ATAD2: variants seen among roughly 807,000 people sequenced by gnomAD.
ATAD2 encodes ATPase family AAA domain-containing protein 2.
Under a neutral mutation model 168.9 loss-of-function variants are expected in ATAD2, and 62 were observed. The ratio of observed to expected loss-of-function variants is 0.37; its 90% CI spans 0.30 to 0.45. ATAD2 has a LOEUF of 0.45. ATAD2 is among the 20% of genes least tolerant of loss of function. ATAD2 has a pLI of 1.00. For missense variants in ATAD2, 1,419 were observed against 1,667.8 expected (o/e 0.85, Z 2.60); for synonymous variants, 613 against 571.6 (o/e 1.07, Z -1.03).
At chr8:123,321,713 C>T (rs1003834685) in intron 27 of ATAD2, among the ~76,000 whole-genome samples, 1 of 151,840 alleles carries the variant, frequency 6.6e-6, no homozygotes, top group East Asian at 1.9e-4. Context: ...GCGGGAGGAC[C>T]GCTTGAAGCT....
chr8:123,362,902 A>G (rs919656809), intron 8 of ATAD2, among the ~76,000 whole-genome samples: 1 of 152,200 alleles, frequency 6.6e-6, no homozygotes, highest in South Asian at 2.1e-4. Context: ...TACTCAACCC[A>G]TAAGTTTTCT....
intron 8 of ATAD2, among the ~76,000 whole-genome samples, chr8:123,366,605 C>G (rs1456034079): frequency 1.3e-5 from 2 of 152,186 alleles, no homozygotes; most frequent in East Asian, 3.9e-4. Flanking sequence ...GAGACTTACT[C>G]TAAGTGAAGT....
chr8:123,358,723 CTTTTTTT>C lies in ATAD2; in HGVS notation c.1382+491_1382+497del, dbSNP rs772822406. On this transcript the variant is annotated intron_variant, in intron 11 of 27. Transcript: ENST00000287394. Reference sequence around the variant, plus strand: ...CCTGTGATTGATATATGGTACATTACTTTTTTTTTTTTTTTTTTTTTTTTTGGAGATG... The same window carrying C: ...CCTGTGATTGATATATGGTACATTACTTTTTTTTTTTTTTTTTTGGAGATG... 6.5e-3 allele frequency among the ~76,000 whole-genome samples: 496 copies of C among 76,860 alleles called. 1 individual carries two copies. Among genetic ancestry groups the C allele is most frequent in the Non-Finnish European group, 9.3e-3 (382 of 40,900 alleles). The allele number at this position is 76,860 out of a possible 152,430, so 50.4% of individuals were successfully genotyped here.
chr8:123,392,960 G>A (rs1349486942), intron 1 of ATAD2, among the ~76,000 whole-genome samples: 6 of 152,184 alleles, frequency 3.9e-5, no homozygotes, highest in South Asian at 2.1e-4. Flanking sequence ...CGAGGAGGGC[G>A]GATCATGAAG....
In ATAD2 at chr8:123,371,926, C is replaced by T. The variant is rs1018500547; in HGVS notation, c.371-91G>A. On this transcript the variant is annotated intron_variant, in intron 3 of 27. Transcript: ENST00000287394. ...TAAAATGAACAATTGAAAAGCTATA[C>T]TTTCATGTAACAAAATTACAGTATC... is the stretch of plus-strand genomic sequence containing the variant. 5 of 1,228,754 alleles carry T rather than the reference C, an allele frequency of 4.1e-6. No individual in the cohort carries two copies. The African/African-American group carries it at 4.6e-5, about 11-fold the overall frequency. 76.1% of individuals were successfully genotyped at this position (1,228,754 alleles called of 1,614,324 possible).
At chr8:123,398,359 T>C (rs1423727917), upstream of ATAD2, among the ~76,000 whole-genome samples, 6 of 150,498 alleles carry the variant, frequency 4.0e-5, no homozygotes, top group South Asian at 2.1e-4. Flanking sequence ...GCCTCCAGAG[T>C]AGCTGGTATT....
rs1827449432 is a variant in ATAD2, at chr8:123,320,904, T to G, written c.*230A>C. On this transcript the variant is annotated 3_prime_UTR_variant, in exon 28 of 28. Transcript: ENST00000287394. ...TTGGCCAAACTTCAACTATTATTAC[T>G]ATTACTACAGGGTCTTGTTCTAGCA... 2.3e-6 allele frequency: 1 copy of G among 429,802 alleles called. No homozygotes were observed. Among genetic ancestry groups the G allele is most frequent in the African/African-American group, 2.1e-5 (1 of 48,158 alleles). 26.6% of individuals were successfully genotyped at this position (429,802 alleles called of 1,614,324 possible). A position where few individuals can be genotyped will look rare whatever the true frequency, so the allele number is the denominator to read the frequency against.
At chr8:123,362,710 C>T (rs752410150) in intron 8 of ATAD2, among the ~76,000 whole-genome samples, 11 of 151,940 alleles carry the variant, frequency 7.2e-5, no homozygotes, top group East Asian at 3.9e-4. Flanking sequence ...TCATCACGCC[C>T]GGCCAAAAAT....
In ATAD2 at chr8:123,359,318, C is replaced by G; in HGVS notation, c.1285G>C (p.Gly429Arg). The change falls in exon 11 of 28, where the codon GGT (glycine) becomes CGT (arginine). Residue 429 changes from glycine to arginine, a missense_variant. This residue lies in a region of ATAD2 where 146 missense variants were observed against 188.3 expected (regional missense o/e 0.78). Coordinates refer to ENST00000287394, the MANE Select transcript of ATAD2 (RefSeq NM_014109.4). ...GCTGCTATATGATTAGACAGGCCAC[C>G]AACACTATCAAATCGTACCTGGTAA... is the stretch of plus-strand genomic sequence containing the variant. ...LDSSVRFDSVGGLSNHIAALK... is the reference protein window; with the variant it reads ...LDSSVRFDSVRGLSNHIAALK... The G allele has an allele frequency of 6.2e-7, 1 of 1,607,446 alleles. No homozygotes were observed. The highest frequency in any genetic ancestry group is 1.3e-5 in the African/African-American group (1 of 74,634).
At chr8:123,340,200 A>C (rs1272977470) in intron 19 of ATAD2, among the ~76,000 whole-genome samples, 1 of 152,200 alleles carries the variant, frequency 6.6e-6, no homozygotes, top group East Asian at 1.9e-4. Flanking sequence ...CTGATACTTA[A>C]AAGGTTTGTT....
chr8:123,341,898 C>A (rs1343325248), intron 19 of ATAD2, among the ~76,000 whole-genome samples: 2 of 152,066 alleles, frequency 1.3e-5, no homozygotes, highest in Non-Finnish European at 2.9e-5. Context: ...ACCAGCCTGG[C>A]CAACATGGTG....
At chr8:123,412,301 C>T (rs1813170380) in intron 1 of ATAD2, among the ~76,000 whole-genome samples, 1 of 152,154 alleles carries the variant, frequency 6.6e-6, no homozygotes, top group African/African-American at 2.4e-5. Context: ...TTTGTTACAG[C>T]AATGTCACCT....
At chr8:123,344,345 T>C (rs1040037937) in intron 19 of ATAD2, among the ~76,000 whole-genome samples, 10 of 108,412 alleles carry the variant, frequency 9.2e-5, no homozygotes, top group East Asian at 2.2e-4. Flanking sequence ...TTTTAAATAC[T>C]TTTTTTTTTT....
chr8:123,328,053 G>A (rs1174289702), intron 25 of ATAD2, 137 bp downstream of exon 25: 1 of 652,688 alleles, frequency 1.5e-6, no homozygotes, highest in Non-Finnish European at 2.3e-6. Flanking sequence ...TAAAGATAAT[G>A]CTATTGTTTT....
chr8:123,372,573 A>C (rs1029892121), intron 3 of ATAD2, 64 bp downstream of exon 3: 119 of 1,312,310 alleles, frequency 9.1e-5, no homozygotes, highest in Non-Finnish European at 1.1e-4. Context: ...GGTACCTCAA[A>C]AAACCTGTAA....
rs756042438 is a variant in ATAD2, at chr8:123,344,926, T to C, written c.2676A>G (p.Leu892=). 1.9e-6 allele frequency: 3 copies of C among 1,614,160 alleles called. No homozygotes were observed. Among genetic ancestry groups the C allele is most frequent in the Admixed American group, 1.7e-5 (1 of 60,018 alleles). ...AATGGGGTTTGTCAGAAGTTGCAAG[T>C]AGTAAAACTGGAGCAAATGAAGGAA... ...QNIPSFAPVL[L]LATSDKPHSA... The change falls in exon 19 of 28, where the codon CTA becomes CTG. Residue 892 remains leucine, a synonymous_variant. Transcript: ENST00000287394.
chr8:123,397,076 A>G (rs1277644350), upstream of ATAD2, among the ~76,000 whole-genome samples: 1 of 151,942 alleles, frequency 6.6e-6, no homozygotes, highest in Non-Finnish European at 1.5e-5. Context: ...TTTGCCATTG[A>G]TCATCCCACA....
intron 25 of ATAD2, 21 bp downstream of exon 25, chr8:123,328,169 T>G: frequency 7.4e-7 from 1 of 1,356,182 alleles, no homozygotes; most frequent in Non-Finnish European, 9.5e-7. Context: ...CAGTAAATTA[T>G]TTTAATTGAA....
intron 1 of ATAD2, among the ~76,000 whole-genome samples, chr8:123,394,631 T>A (rs1411078597): frequency 6.6e-6 from 1 of 151,830 alleles, no homozygotes; most frequent in African/African-American, 2.4e-5. Context: ...TGAGACTCTG[T>A]CTCGAAGAAA....
Sources: gnomAD v4.1 joint callset for allele counts (sites outside exome capture counted in the v4.1 genomes callset) on GRCh38, gnomAD v4.1.1 for gene constraint, gnomAD v4.1.1 regional missense constraint, MANE v1.5 for transcripts, NCBI Gene and HGNC (gene_info 2026-07-23, HGNC 2026-07-21) for gene names.